Variants in TOX4 observed in about 807,000 individuals in gnomAD.
TOX4 encodes the protein TOX high mobility group box family member 4, also known as epidermal Langerhans cell protein LCP1.
Under a neutral mutation model 61.0 loss-of-function variants are expected in TOX4, and 12 were observed. That is an observed-to-expected ratio of 0.20 (90% CI 0.13 to 0.32). The LOEUF is 0.32. Among genes scored for constraint, TOX4 ranks in the 10% least tolerant of loss-of-function variants. TOX4 has a pLI of 1.00. For missense variants in TOX4, 499 were observed against 753.3 expected, an observed-to-expected ratio of 0.66 and a Z score of 3.95; for synonymous variants, 268 against 274.8, an observed-to-expected ratio of 0.98 and a Z score of 0.24.
Position 21,496,661 on chromosome 14 carries a change from G to T in TOX4, c.*55G>T. On this transcript the variant is annotated 3_prime_UTR_variant, in exon 9 of 9. Transcript: ENST00000448790. ...TTATCTGCTGGGAAAGTGTCCAAGA[G>T]CCTGTTTTTGAAACACAAGCTGGGC... 6.5e-7 allele frequency: 1 copy of T among 1,536,312 alleles called. No individual in the cohort carries two copies.
chr14:21,496,281 A>G (rs1891399238), intron 8 of TOX4: 1 of 281,756 alleles, frequency 3.5e-6, no homozygotes, highest in African/African-American at 2.3e-5. Flanking sequence ...TAATCCCAGC[A>G]CTTTGGGAGG....
At chr14:21,480,050 C>T (rs1192573507) in intron 2 of TOX4, among the ~76,000 whole-genome samples, 1 of 152,108 alleles carries the variant, frequency 6.6e-6, no homozygotes, top group Non-Finnish European at 1.5e-5. Context: ...CCAGGCTGGT[C>T]TCAAATTCCT....
chr14:21,487,566 A>G lies in TOX4; in HGVS notation c.191A>G (p.Asp64Gly), dbSNP rs749554736. Residue 64 changes from aspartate to glycine, a missense_variant, in exon 3 of 9, where the codon GAC becomes GGC. This residue lies in a region of TOX4 where 90 missense variants were observed against 109.5 expected (regional missense o/e 0.82). Transcript: ENST00000448790. ...GTTGGCCACTTTGATGACCTGGCAGACCCTTCCTCTTCACAGGATGGCAGT... is the reference window on the plus strand; with the variant it reads ...GTTGGCCACTTTGATGACCTGGCAGGCCCTTCCTCTTCACAGGATGGCAGT... ...DVVGHFDDLA[D>G]PSSSQDGSFS... 3 of 1,613,890 alleles carry G rather than the reference A, an allele frequency of 1.9e-6. No individual in the cohort carries two copies. Among genetic ancestry groups the G allele is most frequent in the African/African-American group, 1.3e-5 (1 of 74,822 alleles).
rs368775884 is a variant in TOX4, at chr14:21,477,574, A to T, written c.75+10A>T. 11 of 1,613,364 alleles carry T rather than the reference A, an allele frequency of 6.8e-6. No individual in the cohort carries two copies. The highest frequency in any genetic ancestry group is 1.7e-4 in the Middle Eastern group (1 of 5,746). ...CCTGTCAGGGGCCGAGGTGAGCCAG[A>T]GCTGCCGACGCCGCGGGGGTAGGGC... On this transcript the variant is annotated intron_variant, in intron 2 of 8. Transcript: ENST00000448790.
chr14:21,484,994 G>A lies in TOX4; in HGVS notation c.76-2457G>A, dbSNP rs1188229502. The stretch of plus-strand genomic sequence containing the variant: ...ATTAAACCAGAATTAGAGGCTGGGC[G>A]CTGTGGCTCATGCCTGTAATCCCAA... On this transcript the variant is annotated intron_variant, in intron 2 of 8. Coordinates refer to ENST00000448790, the MANE Select transcript of TOX4 (RefSeq NM_014828.4). Among the ~76,000 whole-genome samples the A allele has an allele frequency of 3.7e-5, 4 of 108,252 alleles. 2 individuals carry two copies. Among genetic ancestry groups the A allele is most frequent in the Non-Finnish European group, 8.2e-5 (4 of 48,820 alleles). The allele number at this position is 108,252 out of a possible 152,430, so 71.0% of individuals were successfully genotyped here.
In TOX4 at chr14:21,486,199, CTCTATT is replaced by C. The variant is rs1271638753; in HGVS notation, c.76-1250_76-1245del. ...AAAAAAGAAAAGGAACCTTTAGGAA[CTCTATT>C]TAAAGAATGCATTGTTCAATTATGA... On this transcript the variant is annotated intron_variant, in intron 2 of 8. Coordinates refer to ENST00000448790, the MANE Select transcript of TOX4 (RefSeq NM_014828.4). 9.7e-5 allele frequency among the ~76,000 whole-genome samples: 10 copies of C among 103,246 alleles called. 3 individuals are homozygous for C. The highest frequency in any genetic ancestry group is 2.1e-5 in the Non-Finnish European group (1 of 47,688). The allele number at this position is 103,246 out of a possible 152,430, so 67.7% of individuals were successfully genotyped here.
intron 8 of TOX4, 175 bp downstream of exon 8, chr14:21,495,567 A>G (rs548392109): frequency 2.1e-5 from 13 of 628,040 alleles, no homozygotes; most frequent in African/African-American, 1.3e-4. Flanking sequence ...TTTGCCACAT[A>G]AGCCAAAGAT....
Position 21,487,505 on chromosome 14 carries a change from T to C in TOX4, c.130T>C (p.Leu44=). ...GGAATTTGAAATCCCACCTATCTCC[T>C]TGGATTCTGATCCCTCATTGGCTGT... ...DEEFEIPPIS[L]DSDPSLAVSD... is the part of the protein sequence containing the mutation. The change falls in exon 3 of 9, where the codon TTG becomes CTG. Residue 44 remains leucine, a synonymous_variant. Coordinates refer to ENST00000448790, the MANE Select transcript of TOX4 (RefSeq NM_014828.4). 1 of 1,613,942 alleles carries C rather than the reference T, an allele frequency of 6.2e-7. No individual in the cohort carries two copies. The highest frequency in any genetic ancestry group is 2.2e-5 in the East Asian group (1 of 44,900).
At position 21,498,067 on chromosome 14, in the gene TOX4, A is replaced by ATAT; in HGVS notation, c.*1462_*1464dup. On this transcript the variant is annotated 3_prime_UTR_variant, in exon 9 of 9. Transcript: ENST00000448790. ...CAATGAGGTAATACTCCCATTTCAC[A>ATAT]TATAATACTGAGAGATGAGTTGCAC... 1 of 576,024 alleles carries ATAT rather than the reference A, an allele frequency of 1.7e-6. No homozygotes were observed. Among genetic ancestry groups the ATAT allele is most frequent in the Non-Finnish European group, 3.1e-6 (1 of 324,948 alleles). The allele number at this position is 576,024 out of a possible 1,614,324, so 35.7% of individuals were successfully genotyped here. A position where few individuals can be genotyped will look rare whatever the true frequency, so the allele number is the denominator to read the frequency against.
chr14:21,488,576 TCTG>T lies in TOX4; in HGVS notation c.319-11_319-9del. 1 of 1,608,230 alleles carries T rather than the reference TCTG, an allele frequency of 6.2e-7. No homozygotes were observed. Among genetic ancestry groups the T allele is most frequent in the Non-Finnish European group, 8.5e-7 (1 of 1,174,956 alleles). ...TTATATTTAGTGTTTAATTAGTCCT[TCTG>T]CTTCTCTCAGGACTTGGACCACTCT... On this transcript the variant is annotated splice_polypyrimidine_tract_variant and intron_variant, in intron 3 of 8. Transcript: ENST00000448790.
In TOX4 at chr14:21,490,179, AAAT is replaced by A. The variant is rs1284779293; in HGVS notation, c.810+783_810+785del. Among the ~76,000 whole-genome samples, 7 of 151,642 alleles carry A rather than the reference AAAT, an allele frequency of 4.6e-5. No individual in the cohort carries two copies. In the South Asian group the frequency reaches 6.3e-4, roughly 14 times the overall value. On this transcript the variant is annotated intron_variant, in intron 5 of 8. Transcript: ENST00000448790. Reference sequence around the variant, plus strand: ...GAGCAAGACCCCGGCTCAAATAAATAAATAATAATTGTTATAGGCCGGGCGCGG... The same window carrying A: ...GAGCAAGACCCCGGCTCAAATAAATAAATAATTGTTATAGGCCGGGCGCGG...
chr14:21,482,975 A>G (rs1286015794), intron 2 of TOX4, among the ~76,000 whole-genome samples: 1 of 152,206 alleles, frequency 6.6e-6, no homozygotes, highest in Non-Finnish European at 1.5e-5. Flanking sequence ...CTGAATAACA[A>G]AGCTTTTACA....
intron 1 of TOX4, 26 bp downstream of exon 1, chr14:21,477,310 T>C (rs1464796642): frequency 6.2e-7 from 1 of 1,613,856 alleles, no homozygotes; most frequent in Admixed American, 1.7e-5. Context: ...CTAAGAAGGC[T>C]GGCGAGAGAA....
In TOX4 at chr14:21,492,757, A is replaced by T; in HGVS notation, c.1141A>T (p.Met381Leu). 6.2e-7 allele frequency: 1 copy of T among 1,614,060 alleles called. No homozygotes were observed. Among genetic ancestry groups the T allele is most frequent in the Non-Finnish European group, 8.5e-7 (1 of 1,180,018 alleles). Residue 381 changes from methionine to leucine, a missense_variant, in exon 7 of 9, where the codon ATG (methionine) becomes TTG (leucine). Met to Leu is a conservative substitution (Grantham distance 15). Coordinates refer to ENST00000448790, the MANE Select transcript of TOX4 (RefSeq NM_014828.4). ...TKQMLPSSIT[M>L]SQGGMVTVIP... The stretch of plus-strand genomic sequence containing the variant: ...ACAAATGTTGCCCTCTTCTATTACT[A>T]TGTCTCAAGGAGGGATGGTTACTGT...
chr14:21,488,082 A>G lies in TOX4; in HGVS notation c.318+389A>G, dbSNP rs72684776. Reference sequence around the variant, plus strand: ...GAACAGAGCTTAAAAAAAAAAAAAAAGTCTGAGCCAAATATAGTATTGTGG... The same window carrying G: ...GAACAGAGCTTAAAAAAAAAAAAAAGGTCTGAGCCAAATATAGTATTGTGG... On this transcript the variant is annotated intron_variant, in intron 3 of 8. Transcript: ENST00000448790. 1.3e-3 allele frequency: 192 copies of G among 152,718 alleles called. 1 individual carries two copies. The highest frequency in any genetic ancestry group is 3.5e-3 in the South Asian group (18 of 5,174). The allele number at this position is 152,718 out of a possible 1,614,324, so 9.5% of individuals were successfully genotyped here. A position where few individuals can be genotyped will look rare whatever the true frequency, so the allele number is the denominator to read the frequency against.
At chr14:21,494,843 C>T (rs1251895939) in intron 7 of TOX4, among the ~76,000 whole-genome samples, 1 of 151,968 alleles carries the variant, frequency 6.6e-6, no homozygotes, top group East Asian at 1.9e-4. Context: ...CGCTTGAACC[C>T]GGGAGGCAGA....
chr14:21,479,812 C>T (rs1403782135), intron 2 of TOX4, among the ~76,000 whole-genome samples: 1 of 152,138 alleles, frequency 6.6e-6, no homozygotes, highest in African/African-American at 2.4e-5. Context: ...AATCAGGTCT[C>T]CACAGTTTAA....
chr14:21,493,093 A>G lies in TOX4; in HGVS notation c.1477A>G (p.Ile493Val). The G allele has an allele frequency of 6.2e-7, 1 of 1,614,150 alleles. No individual in the cohort carries two copies. Residue 493 changes from isoleucine (I) to valine (V), a missense_variant, in exon 7 of 9, where the codon ATC becomes GTC. This residue lies in a region of TOX4 where 296 missense variants were observed against 404.7 expected (regional missense o/e 0.73). Coordinates refer to ENST00000448790, the MANE Select transcript of TOX4 (RefSeq NM_014828.4). ...NLQQQPPPLQ[I>V]KSVPLPTLKM... Reference sequence around the variant, plus strand: ...ACAGCAACAGCCTCCTCCTCTGCAGATCAAGAGTGTGCCTCTACCCACTTT... The same window carrying G: ...ACAGCAACAGCCTCCTCCTCTGCAGGTCAAGAGTGTGCCTCTACCCACTTT...
At chr14:21,495,084 A>C (rs1164537631) in intron 7 of TOX4, 145 bp from the exon 8 acceptor site, 4 of 803,468 alleles carry the variant, frequency 5.0e-6, no homozygotes, top group Non-Finnish European at 8.0e-6. Context: ...GGAGACCAAG[A>C]ACTCACCTTC....
Sources: gnomAD v4.1 joint callset for allele counts (sites outside exome capture counted in the v4.1 genomes callset) on GRCh38, gnomAD v4.1.1 for gene constraint, gnomAD v4.1.1 regional missense constraint, MANE v1.5 for transcripts, NCBI Gene and HGNC (gene_info 2026-07-23, HGNC 2026-07-21) for gene names.